ZSWIM6: variants seen among roughly 807,000 people sequenced by gnomAD.
ZSWIM6 encodes zinc finger SWIM-type containing 6.
In ZSWIM6, 9 loss-of-function variants were observed where a neutral mutation model predicts 113.2. That is an observed-to-expected ratio of 0.08 (90% confidence interval 0.05 to 0.14). The LOEUF (loss-of-function observed/expected upper bound fraction) is 0.14. Among genes scored for constraint, ZSWIM6 ranks in the 10% least tolerant of loss-of-function variants. The probability of loss-of-function intolerance (pLI) is 1.00; values close to 1 mark genes in which losing one functional copy is unlikely to be tolerated. For missense variants in ZSWIM6, 1,162 were observed against 1,552.2 expected, an observed-to-expected ratio of 0.75 and a Z score of 4.22; for synonymous variants, 611 against 606.5, an observed-to-expected ratio of 1.01 and a Z score of -0.11.
At chr5:61,380,361 C>T (rs574274488) in intron 1 of ZSWIM6, among the ~76,000 whole-genome samples, 2 of 152,340 alleles carry the variant, frequency 1.3e-5, no homozygotes, top group South Asian at 4.1e-4. Flanking sequence ...CAGGCATGAG[C>T]CACTGCACCC....
intron 1 of ZSWIM6, among the ~76,000 whole-genome samples, chr5:61,467,530 T>A (rs1323579880): frequency 6.6e-6 from 1 of 152,234 alleles, no homozygotes; most frequent in Non-Finnish European, 1.5e-5. Context: ...AATGTCTAGA[T>A]GTAAGTATTT....
At chr5:61,400,106 G>A (rs916396201) in intron 1 of ZSWIM6, among the ~76,000 whole-genome samples, 4 of 152,238 alleles carry the variant, frequency 2.6e-5, no homozygotes, top group Non-Finnish European at 1.5e-5. Context: ...TTTGCTTGGC[G>A]TCCACTCTAG....
chr5:61,511,819 A>G (rs1748795767), intron 4 of ZSWIM6, among the ~76,000 whole-genome samples: 1 of 152,160 alleles, frequency 6.6e-6, no homozygotes, highest in South Asian at 2.1e-4. Context: ...ATAGAATAGT[A>G]ATTCTGACTG....
Position 61,332,370 on chromosome 5 carries a change from G to T in ZSWIM6, c.98G>T (p.Gly33Val). Residue 33 changes from glycine to valine, a missense_variant, in exon 1 of 14, where the codon GGC (glycine) becomes GTC (valine). Gly to Val is a moderately radical substitution (Grantham distance 109, BLOSUM62 -3). Coordinates refer to ENST00000252744, the MANE Select transcript of ZSWIM6 (RefSeq NM_020928.2). ...GGGGSSGGGGGAGGGYSSACR... is the reference protein window; with the variant it reads ...GGGGSSGGGGVAGGGYSSACR... The stretch of plus-strand genomic sequence containing the variant: ...GGGGGCAGCAGCGGCGGCGGCGGCG[G>T]CGCGGGTGGCGGCTACAGCTCTGCC... 1.0e-6 allele frequency: 1 copy of T among 994,552 alleles called. No individual in the cohort carries two copies. The highest frequency in any genetic ancestry group is 9.7e-5 in the East Asian group (1 of 10,318). 61.6% of individuals were successfully genotyped at this position (994,552 alleles called of 1,614,324 possible). A position where few individuals can be genotyped will look rare whatever the true frequency, so the allele number is the denominator to read the frequency against.
intron 1 of ZSWIM6, among the ~76,000 whole-genome samples, chr5:61,354,819 C>T (rs1467359296): frequency 2.0e-5 from 3 of 152,176 alleles, no homozygotes; most frequent in African/African-American, 7.2e-5. Context: ...GACTTATAGT[C>T]TGCCTCTGTA....
chr5:61,447,277 G>C lies in ZSWIM6; in HGVS notation c.677-25404G>C, dbSNP rs565354800. Among the ~76,000 whole-genome samples, 268 of 152,208 alleles carry C rather than the reference G, an allele frequency of 1.8e-3. 1 individual carries two copies. Among genetic ancestry groups the C allele is most frequent in the African/African-American group, 5.9e-3 (247 of 41,532 alleles). On this transcript the variant is annotated intron_variant, in intron 1 of 13. Transcript: ENST00000252744. Reference sequence around the variant, plus strand: ...AAAAAAAGTCAGTTTATCAAATTCTGATTTCCCATAACTGTATCAACACAT... The same window carrying C: ...AAAAAAAGTCAGTTTATCAAATTCTCATTTCCCATAACTGTATCAACACAT...
intron 1 of ZSWIM6, among the ~76,000 whole-genome samples, chr5:61,444,517 C>T (rs1318774260): frequency 6.6e-6 from 1 of 152,076 alleles, no homozygotes; most frequent in Non-Finnish European, 1.5e-5. Context: ...CCTGAGAAAT[C>T]GCCACACTGA....
intron 2 of ZSWIM6, among the ~76,000 whole-genome samples, chr5:61,475,908 G>A (rs896429618): frequency 1.1e-4 from 17 of 152,066 alleles, no homozygotes; most frequent in African/African-American, 3.4e-4. Context: ...TTTCTTGTGT[G>A]GTTTTGTGGA....
intron 1 of ZSWIM6, among the ~76,000 whole-genome samples, chr5:61,358,754 A>T (rs189727412): frequency 1.3e-5 from 2 of 152,364 alleles, no homozygotes; most frequent in African/African-American, 4.8e-5. Flanking sequence ...TTCTGGTGGA[A>T]GACCAGTGCT....
At chr5:61,377,449 C>G (rs1250693167) in intron 1 of ZSWIM6, among the ~76,000 whole-genome samples, 2 of 151,718 alleles carry the variant, frequency 1.3e-5, no homozygotes, top group Non-Finnish European at 2.9e-5. Flanking sequence ...AAAGATTTTG[C>G]ATACTTAAAA....
intron 1 of ZSWIM6, among the ~76,000 whole-genome samples, chr5:61,420,206 A>G (rs1746327305): frequency 6.6e-6 from 1 of 152,266 alleles, no homozygotes; most frequent in South Asian, 2.1e-4. Context: ...ATAAAGAATG[A>G]AAAAATGACT....
intron 1 of ZSWIM6, among the ~76,000 whole-genome samples, chr5:61,394,587 G>A (rs1745800932): frequency 6.6e-6 from 1 of 152,140 alleles, no homozygotes; most frequent in African/African-American, 2.4e-5. Context: ...CCCTCTGAAT[G>A]GTGTATATGA....
At chr5:61,334,537 G>A (rs1205169572) in intron 1 of ZSWIM6, among the ~76,000 whole-genome samples, 1 of 152,118 alleles carries the variant, frequency 6.6e-6, no homozygotes, top group Admixed American at 6.5e-5. Context: ...TCTGGATAGG[G>A]TCCCCAAGAA....
At position 61,543,242 on chromosome 5, in the gene ZSWIM6, T is replaced by C. The variant is rs553919648; in HGVS notation, c.2786-213T>C. On this transcript the variant is annotated intron_variant, in intron 13 of 13. Coordinates refer to ENST00000252744, the MANE Select transcript of ZSWIM6 (RefSeq NM_020928.2). This position sits in a 1 kb window ranked among gnomAD's most constrained non-coding sequence, Gnocchi z 4.3. ...AGGATTGGTTCTTTATTATAGCAAG[T>C]TCATGTTCCTTTCAGGCATTTCACT... Among the ~76,000 whole-genome samples, 2 of 152,280 alleles carry C rather than the reference T, an allele frequency of 1.3e-5. No individual in the cohort carries two copies. Among genetic ancestry groups the C allele is most frequent in the South Asian group, 4.2e-4 (2 of 4,816 alleles).
intron 1 of ZSWIM6, among the ~76,000 whole-genome samples, chr5:61,450,294 C>A (rs1747059290): frequency 6.6e-6 from 1 of 152,140 alleles, no homozygotes; most frequent in South Asian, 2.1e-4. Context: ...CTTTGCCCCA[C>A]ACATGAAATG....
At chr5:61,386,745 T>C (rs1245187398) in intron 1 of ZSWIM6, among the ~76,000 whole-genome samples, 2 of 152,180 alleles carry the variant, frequency 1.3e-5, no homozygotes, top group African/African-American at 4.8e-5. Context: ...CCAAAACATG[T>C]GTGTACTTAA....
intron 1 of ZSWIM6, among the ~76,000 whole-genome samples, chr5:61,394,043 CTTTGTTTTAG>C: frequency 6.6e-6 from 1 of 151,966 alleles, no homozygotes; most frequent in Middle Eastern, 3.2e-3. Flanking sequence ...TAGGTAAGGA[CTTTGTTTTAG>C]TTTGGGGAAT....
chr5:61,457,976 C>A (rs1359122137), intron 1 of ZSWIM6, among the ~76,000 whole-genome samples: 1 of 152,168 alleles, frequency 6.6e-6, no homozygotes, highest in Non-Finnish European at 1.5e-5. Flanking sequence ...ATTTCCCCCT[C>A]TTTAATTGCC....
intron 2 of ZSWIM6, among the ~76,000 whole-genome samples, chr5:61,486,376 G>T (rs918604057): frequency 6.6e-6 from 1 of 151,788 alleles, no homozygotes; most frequent in Non-Finnish European, 1.5e-5. Context: ...CCATATCTTT[G>T]CTATCATGAA....
Sources: allele counts gnomAD v4.1 joint callset (sites outside exome capture counted in the v4.1 genomes callset), GRCh38; gene constraint gnomAD v4.1.1; non-coding constraint Gnocchi (gnomAD v3.1); transcripts MANE v1.5; gene names NCBI Gene and HGNC (gene_info 2026-07-23, HGNC 2026-07-21).